ERC2: variants seen among roughly 807,000 people sequenced by gnomAD.
ERC2 encodes ERC protein 2.
A neutral mutation model predicts 114.8 loss-of-function variants in ERC2; 42 were observed. That is an observed-to-expected ratio of 0.37 (90% CI 0.29 to 0.47). ERC2 has a LOEUF of 0.47. ERC2 is among the 20% of genes least tolerant of loss of function. The pLI is 0.99. For missense variants in ERC2, 939 were observed against 1,150.7 expected (o/e 0.82, Z 2.66); for synonymous variants, 454 against 425.5 (o/e 1.07, Z -0.82).
At chr3:55,715,470 C>T (rs2064063944) in intron 15 of ERC2, among the ~76,000 whole-genome samples, 2 of 152,108 alleles carry the variant, frequency 1.3e-5, no homozygotes, top group Admixed American at 6.5e-5. Context: ...TTCTCATTCC[C>T]ACACACTGAA....
At chr3:56,421,192 A>T (rs1421476843) in intron 2 of ERC2, among the ~76,000 whole-genome samples, 4 of 152,238 alleles carry the variant, frequency 2.6e-5, no homozygotes, top group Non-Finnish European at 5.9e-5. Flanking sequence ...CTAGTTATAG[A>T]CAGAGGTTAA....
chr3:56,281,415 T>C (rs4974132), intron 3 of ERC2, among the ~76,000 whole-genome samples: 78,683 of 85,640 alleles, frequency 0.92, 36,234 homozygotes, highest in East Asian at 0.99. Context: ...CCAGCCTGGG[T>C]GACAGAGCAA....
chr3:56,313,037 T>TATATATATATATATATA, intron 2 of ERC2, among the ~76,000 whole-genome samples: 1 of 130,238 alleles, frequency 7.7e-6, no homozygotes, highest in Admixed American at 7.8e-5. Flanking sequence ...TATATATATA[T>TATATATATATATATATA]GGGGTGGGAG....
At chr3:55,908,239 T>C (rs973645938) in intron 13 of ERC2, among the ~76,000 whole-genome samples, 9 of 152,200 alleles carry the variant, frequency 5.9e-5, no homozygotes, top group Non-Finnish European at 1.3e-4. Flanking sequence ...TATTTTTTAA[T>C]TAGTGCTTCA....
chr3:56,440,440 C>T (rs778690320), intron 1 of ERC2, among the ~76,000 whole-genome samples: 11 of 151,294 alleles, frequency 7.3e-5, no homozygotes, highest in African/African-American at 2.2e-4. Context: ...CCCAGCTACT[C>T]GGGAGGCTGA....
intron 2 of ERC2, among the ~76,000 whole-genome samples, chr3:56,307,396 G>T (rs566090597): frequency 7.2e-5 from 11 of 152,314 alleles, no homozygotes; most frequent in African/African-American, 2.6e-4. Context: ...TGGGTTTTGA[G>T]CAATATTGGC....
intron 17 of ERC2, among the ~76,000 whole-genome samples, chr3:55,665,574 C>A (rs2061328627): frequency 6.6e-6 from 1 of 152,134 alleles, no homozygotes. Context: ...CAGAGTGATG[C>A]ATCTACAAGC....
intron 3 of ERC2, among the ~76,000 whole-genome samples, chr3:56,240,924 A>G (rs114739285): frequency 5.8e-4 from 89 of 152,310 alleles, no homozygotes; most frequent in African/African-American, 2.1e-3. Context: ...CCCATCACAC[A>G]AATTGTGAAC....
At chr3:56,091,091 C>T (rs769385328) in intron 6 of ERC2, among the ~76,000 whole-genome samples, 2 of 151,968 alleles carry the variant, frequency 1.3e-5, no homozygotes, top group Non-Finnish European at 1.5e-5. Context: ...TTAAAATTCG[C>T]TCTGGGTGTT....
chr3:56,215,812 T>C (rs1183511155), intron 3 of ERC2, among the ~76,000 whole-genome samples: 1 of 152,084 alleles, frequency 6.6e-6, no homozygotes, highest in Non-Finnish European at 1.5e-5. Flanking sequence ...AACAGTGCAA[T>C]CAAACTAGAA....
At chr3:56,336,896 TA>T (rs2057877543) in intron 2 of ERC2, among the ~76,000 whole-genome samples, 1 of 152,218 alleles carries the variant, frequency 6.6e-6, no homozygotes, top group African/African-American at 2.4e-5. Context: ...AGTTCAACTT[TA>T]TCACTAATAC....
At chr3:55,515,979 T>G (rs1224945888) in intron 17 of ERC2, among the ~76,000 whole-genome samples, 1 of 152,210 alleles carries the variant, frequency 6.6e-6, no homozygotes, top group Non-Finnish European at 1.5e-5. Flanking sequence ...ATTTTTGACA[T>G]CTGGGTTAAT....
At chr3:56,203,963 C>T (rs183526978) in intron 3 of ERC2, among the ~76,000 whole-genome samples, 13 of 151,856 alleles carry the variant, frequency 8.6e-5, no homozygotes, top group Non-Finnish European at 1.5e-4. Context: ...AGGTGAATCA[C>T]GAGGTCAGGA....
intron 2 of ERC2, among the ~76,000 whole-genome samples, chr3:56,380,541 G>A (rs2059709474): frequency 6.6e-6 from 1 of 151,726 alleles, no homozygotes; most frequent in Non-Finnish European, 1.5e-5. Flanking sequence ...ACGTTTTCTT[G>A]GCTAATAGCC....
intron 2 of ERC2, among the ~76,000 whole-genome samples, chr3:56,329,684 A>G (rs2057516987): frequency 6.6e-6 from 1 of 152,184 alleles, no homozygotes; most frequent in African/African-American, 2.4e-5. Flanking sequence ...CAGGCTTACT[A>G]CAGATGGAGA....
In ERC2 at chr3:56,133,185, C is replaced by A. The variant is rs770224677; in HGVS notation, c.1473+6324G>T. ...AGACATGGTGGCTCACGCCTGTAATCCCAGCATTTTGGGAAGCTGAGGCGG... is the reference window on the plus strand; with the variant it reads ...AGACATGGTGGCTCACGCCTGTAATACCAGCATTTTGGGAAGCTGAGGCGG... On this transcript the variant is annotated intron_variant, in intron 6 of 17. Coordinates refer to ENST00000288221, the MANE Select transcript of ERC2 (RefSeq NM_015576.3). 5.2e-4 allele frequency among the ~76,000 whole-genome samples: 79 copies of A among 152,318 alleles called. 1 individual carries two copies. Among genetic ancestry groups the A allele is most frequent in the Non-Finnish European group, 9.1e-4 (62 of 68,030 alleles).
intron 5 of ERC2, among the ~76,000 whole-genome samples, chr3:56,147,532 C>G (rs936534421): frequency 6.6e-6 from 1 of 152,124 alleles, no homozygotes; most frequent in African/African-American, 2.4e-5. Context: ...TAATTTCCTC[C>G]CTATAATTTG....
chr3:56,333,005 G>C (rs2057694755), intron 2 of ERC2, among the ~76,000 whole-genome samples: 2 of 152,230 alleles, frequency 1.3e-5, no homozygotes, highest in Non-Finnish European at 2.9e-5. Flanking sequence ...GAATTCTTAG[G>C]AGAAATAAGT....
chr3:56,296,094 T>C lies in ERC2; in HGVS notation c.999A>G (p.Ala333=), dbSNP rs764794378. 1.2e-6 allele frequency: 2 copies of C among 1,613,616 alleles called. No homozygotes were observed. Among genetic ancestry groups the C allele is most frequent in the African/African-American group, 1.3e-5 (1 of 75,062 alleles). ...EDDNERTRRM[A]EAESQVSHLE... The stretch of plus-strand genomic sequence containing the variant: ...AGTGGCTGACCTGAGACTCAGCCTC[T>C]GCCATCCGCCGCGTTCGCTCATTGT... The change falls in exon 3 of 18, where the codon GCA becomes GCG. Residue 333 remains alanine, a synonymous_variant. Coordinates refer to ENST00000288221, the MANE Select transcript of ERC2 (RefSeq NM_015576.3).
Sources: allele counts gnomAD v4.1 joint callset (sites outside exome capture counted in the v4.1 genomes callset), GRCh38; gene constraint gnomAD v4.1.1; transcripts MANE v1.5; gene names NCBI Gene and HGNC (gene_info 2026-07-23, HGNC 2026-07-21).